Variants in CRYL1 observed in about 807,000 individuals in gnomAD.
CRYL1 encodes the protein crystallin lambda 1.
CRYL1 carries 29 observed loss-of-function variants against 36.6 expected under a neutral mutation model. That is an observed-to-expected ratio of 0.79 (90% CI 0.59 to 1.08). The LOEUF (loss-of-function observed/expected upper bound fraction) is 1.08, where lower values mean the gene tolerates loss of function less well. CRYL1 is among the 50% of genes least tolerant of loss of function. The pLI, the probability that CRYL1 is intolerant of heterozygous loss-of-function variation, is 0.00. For missense variants in CRYL1, 411 were observed against 407.9 expected (o/e 1.01, Z -0.06); for synonymous variants, 152 against 151.5 (o/e 1.00, Z -0.02).
rs2031317733 is a variant in CRYL1 at position 20,404,684 on chromosome 13, A to G, written c.797T>C (p.Phe266Ser). ...SEGIKHVLQT[F>S]GPIPEFSRAT... ...CCTGGAAAACTCTGGAATGGGTCCA[A>G]AAGTCTGTAGGACATGTTTTATGCC... Residue 266 changes from phenylalanine (F) to serine (S), a missense_variant, in exon 7 of 8, where the codon TTT (phenylalanine) becomes TCT (serine). Coordinates refer to ENST00000298248, the MANE Select transcript of CRYL1 (RefSeq NM_015974.3). 4 of 1,614,158 alleles carry G rather than the reference A, an allele frequency of 2.5e-6. No individual in the cohort carries two copies. In the East Asian group the frequency reaches 8.9e-5, roughly 36 times the overall value.
chr13:20,483,506 T>C (rs1046316289), intron 3 of CRYL1, among the ~76,000 whole-genome samples: 2 of 152,086 alleles, frequency 1.3e-5, no homozygotes, highest in Non-Finnish European at 2.9e-5. Context: ...ATCATCATTC[T>C]AAAAGAGCTC....
At position 20,471,678 on chromosome 13, in the gene CRYL1, G is replaced by A. The variant is rs139035621; in HGVS notation, c.276+17692C>T. Among the ~76,000 whole-genome samples the A allele has an allele frequency of 4.6e-3, 699 of 152,092 alleles. 8 individuals carry two copies. Among genetic ancestry groups the A allele is most frequent in the African/African-American group, 0.016 (648 of 41,514 alleles). ...TTACATTAGGAAACCAGGTTTCTAG[G>A]TGCTCCTTCCCACTTTCCTATTAAT... On this transcript the variant is annotated intron_variant, in intron 3 of 7. Coordinates refer to ENST00000298248, the MANE Select transcript of CRYL1 (RefSeq NM_015974.3).
At chr13:20,470,328 G>T (rs2033027904) in intron 3 of CRYL1, among the ~76,000 whole-genome samples, 2 of 152,188 alleles carry the variant, frequency 1.3e-5, no homozygotes, top group African/African-American at 4.8e-5. Flanking sequence ...CCAGAATGCA[G>T]GCAGCGGCCG....
chr13:20,430,688 C>G (rs975902656), intron 5 of CRYL1: 1 of 985,224 alleles, frequency 1.0e-6, no homozygotes, highest in African/African-American at 1.7e-5. Flanking sequence ...TGGGCTCACA[C>G]CTTTCATATT....
chr13:20,455,750 CT>C (rs2032669530), intron 3 of CRYL1, among the ~76,000 whole-genome samples: 1 of 152,176 alleles, frequency 6.6e-6, no homozygotes, highest in Non-Finnish European at 1.5e-5. Flanking sequence ...CAAACTGATT[CT>C]AAGATATGGA....
chr13:20,439,527 A>AAAT, intron 4 of CRYL1, 66 bp downstream of exon 4: 17 of 1,088,164 alleles, frequency 1.6e-5, no homozygotes, highest in Non-Finnish European at 1.8e-5. Context: ...AAAAAAAAAA[A>AAAT]AAAGAAAAAA....
intron 1 of CRYL1, chr13:20,515,769 T>C (rs1357681086): frequency 6.6e-6 from 1 of 152,202 alleles, no homozygotes; most frequent in Non-Finnish European, 1.5e-5. Context: ...TGCCAGGGGC[T>C]GGGGCTGGGG....
intron 6 of CRYL1, among the ~76,000 whole-genome samples, chr13:20,408,521 C>T (rs904851452): frequency 5.9e-5 from 9 of 152,198 alleles, no homozygotes; most frequent in Non-Finnish European, 1.0e-4. Flanking sequence ...ACCTGCGAGT[C>T]TAAAGCTTAG....
Position 20,404,175 on chromosome 13 carries a change from C to G in CRYL1, c.914G>C (p.Cys305Ser). Reference protein sequence around the residue: ...LAARRQWRDECLMRLAKLKSQ... With the variant: ...LAARRQWRDESLMRLAKLKSQ... ...CTTCAACTTGGCGAGTCTCATGAGG[C>G]ACTCGTCCCTCCACTGCCTCCTGGC... The change falls in exon 8 of 8, where the codon TGC becomes TCC. Residue 305 changes from cysteine (C) to serine (S), a missense_variant. Transcript: ENST00000298248. 1 of 1,614,080 alleles carries G rather than the reference C, an allele frequency of 6.2e-7. No homozygotes were observed. Among genetic ancestry groups the G allele is most frequent in the Middle Eastern group, 1.7e-4 (1 of 6,056 alleles).
intron 3 of CRYL1, among the ~76,000 whole-genome samples, chr13:20,488,805 C>A (rs115703419): frequency 0.021 from 3,165 of 152,326 alleles, 112 homozygotes; most frequent in African/African-American, 0.072. Context: ...GAGCGGGATG[C>A]CTGGAAAGAG....
intron 5 of CRYL1, among the ~76,000 whole-genome samples, chr13:20,416,492 T>C (rs1031420670): frequency 5.9e-5 from 9 of 152,122 alleles, no homozygotes; most frequent in African/African-American, 2.2e-4. Flanking sequence ...GCCTGGGCTG[T>C]GGCCCCTCGC....
At chr13:20,463,808 T>G (rs1206210704) in intron 3 of CRYL1, among the ~76,000 whole-genome samples, 1 of 152,200 alleles carries the variant, frequency 6.6e-6, no homozygotes, top group Non-Finnish European at 1.5e-5. Flanking sequence ...AAATGACACA[T>G]TTTGGACAAT....
At chr13:20,512,334 CG>C (rs1247348163) in intron 2 of CRYL1, 108 bp downstream of exon 2, 3 of 779,256 alleles carry the variant, frequency 3.8e-6, no homozygotes, top group Non-Finnish European at 6.4e-6. Context: ...AGCCATCAGA[CG>C]AAAATGTGAC....
intron 2 of CRYL1, among the ~76,000 whole-genome samples, chr13:20,508,320 A>G (rs896360639): frequency 1.3e-5 from 2 of 152,210 alleles, no homozygotes; most frequent in East Asian, 1.9e-4. Context: ...AGCAGCCACC[A>G]TTTCCAAAGT....
intron 2 of CRYL1, chr13:20,502,592 T>C (rs1256653491): frequency 1.3e-5 from 2 of 152,054 alleles, no homozygotes; most frequent in Non-Finnish European, 2.9e-5. Context: ...GAAGAGGAGC[T>C]TGCAGTGAGC....
intron 3 of CRYL1, among the ~76,000 whole-genome samples, chr13:20,486,093 TA>T (rs35445120): frequency 0.33 from 49,906 of 151,570 alleles, 8,936 homozygotes; most frequent in African/African-American, 0.48. Context: ...TAAGTTTTTG[TA>T]TTTTCAGTAG....
intron 3 of CRYL1, among the ~76,000 whole-genome samples, chr13:20,462,087 G>A (rs115462988): frequency 0.013 from 94 of 7,200 alleles, no homozygotes; most frequent in Middle Eastern, 0.071. Context: ...GTGGGAGGAC[G>A]GCCTGGTGAG....
intron 5 of CRYL1, among the ~76,000 whole-genome samples, chr13:20,417,686 T>C (rs2031705314): frequency 6.6e-6 from 1 of 152,218 alleles, no homozygotes; most frequent in Non-Finnish European, 1.5e-5. Flanking sequence ...GCTTCCTTAG[T>C]TAAAACCTGA....
chr13:20,441,348 T>G (rs559578233), intron 3 of CRYL1, among the ~76,000 whole-genome samples: 1 of 152,328 alleles, frequency 6.6e-6, no homozygotes, highest in Non-Finnish European at 1.5e-5. Context: ...TGATGATTCC[T>G]GTTCCCACTA....
Sources: allele counts gnomAD v4.1 joint callset (sites outside exome capture counted in the v4.1 genomes callset), GRCh38; gene constraint gnomAD v4.1.1; transcripts MANE v1.5; gene names NCBI Gene and HGNC (gene_info 2026-07-23, HGNC 2026-07-21).